CCBE1: variants seen among roughly 807,000 people sequenced by gnomAD.
CCBE1 encodes the protein collagen and calcium binding EGF domains 1, also known as collagen and calcium-binding EGF domain-containing protein 1.
Under a neutral mutation model 50.0 loss-of-function variants are expected in CCBE1, and 37 were observed. That is an observed-to-expected ratio of 0.74 (90% CI 0.57 to 0.97). The LOEUF (loss-of-function observed/expected upper bound fraction) is 0.97. Among genes scored for constraint, CCBE1 ranks in the 50% least tolerant of loss-of-function variants. CCBE1 has a pLI of 0.00. For synonymous variants in CCBE1, 234 were observed against 203.7 expected, an observed-to-expected ratio of 1.15 and a Z score of -1.27; for missense variants, 538 against 523.8, an observed-to-expected ratio of 1.03 and a Z score of -0.26.
At chr18:59,697,626 G>A, upstream of CCBE1, 1 of 436,188 alleles carries the variant, frequency 2.3e-6, no homozygotes, top group South Asian at 2.7e-5. Context: ...TTGTCTCGTC[G>A]GGACGTTCAC....
intron 7 of CCBE1, among the ~76,000 whole-genome samples, chr18:59,445,222 G>A (rs1163710173): frequency 2.0e-5 from 3 of 152,160 alleles, no homozygotes; most frequent in African/African-American, 7.2e-5. Flanking sequence ...TGCAGATGGT[G>A]TAAGGTAAGG....
rs189207684 is a variant in CCBE1, at chr18:59,634,835, A to C, written c.212+61794T>G. On this transcript the variant is annotated intron_variant, in intron 2 of 10. Coordinates refer to ENST00000439986, the MANE Select transcript of CCBE1 (RefSeq NM_133459.4). ...AGGTCAGATAGAGTCGACACAGTTAAAGAATGAATTACCTACTTGAGGAAA... is the reference window on the plus strand; with the variant it reads ...AGGTCAGATAGAGTCGACACAGTTACAGAATGAATTACCTACTTGAGGAAA... Among the ~76,000 whole-genome samples the C allele has an allele frequency of 5.8e-4, 89 of 152,360 alleles. 2 individuals are homozygous for C. The highest frequency in any genetic ancestry group is 1.1e-3 in the Non-Finnish European group (78 of 68,034).
intron 2 of CCBE1, among the ~76,000 whole-genome samples, chr18:59,529,235 G>T (rs1004932224): frequency 1.3e-5 from 2 of 152,222 alleles, no homozygotes; most frequent in South Asian, 4.1e-4. Flanking sequence ...GCCCAAAGAG[G>T]CAGTCTGGTC....
At position 59,474,182 on chromosome 18, in the gene CCBE1, G is replaced by T. The variant is rs1351111303; in HGVS notation, c.266-4575C>A. Reference sequence around the variant, plus strand: ...TTCCATGTCTTTGCTATTGTGAATAGCACGGTGATGAACATAGAAATACAT... The same window carrying T: ...TTCCATGTCTTTGCTATTGTGAATATCACGGTGATGAACATAGAAATACAT... On this transcript the variant is annotated intron_variant, in intron 3 of 10. Transcript: ENST00000439986. Among the ~76,000 whole-genome samples, 5 of 152,270 alleles carry T rather than the reference G, an allele frequency of 3.3e-5. No homozygotes were observed. The South Asian group carries it at 6.2e-4, about 19-fold the overall frequency.
intron 2 of CCBE1, among the ~76,000 whole-genome samples, chr18:59,663,139 C>T (rs2054307508): frequency 1.3e-5 from 2 of 152,164 alleles, no homozygotes; most frequent in Admixed American, 1.3e-4. Context: ...GGATAAGATA[C>T]TTTTCTTACT....
In CCBE1 at chr18:59,659,643, A is replaced by G. The variant is rs144083200; in HGVS notation, c.212+36986T>C. Among the ~76,000 whole-genome samples the G allele has an allele frequency of 4.0e-4, 61 of 152,294 alleles. No individual in the cohort carries two copies. In the East Asian group the frequency reaches 0.01, roughly 26 times the overall value. On this transcript the variant is annotated intron_variant, in intron 2 of 10. Coordinates refer to ENST00000439986, the MANE Select transcript of CCBE1 (RefSeq NM_133459.4). ...CATGACAGGGATGTGTCTGACCACA[A>G]TTTCAGGATTTCTAGAGAGCCTGGG...
chr18:59,610,747 C>T (rs1446033939), intron 2 of CCBE1, among the ~76,000 whole-genome samples: 1 of 150,704 alleles, frequency 6.6e-6, no homozygotes, highest in African/African-American at 2.4e-5. Flanking sequence ...CCCAGGTGGA[C>T]ACATGAGGAA....
rs531584471 is a variant in CCBE1, at chr18:59,441,906, A to G, written c.776-2090T>C. Among the ~76,000 whole-genome samples the G allele has an allele frequency of 3.3e-5, 5 of 152,316 alleles. No individual in the cohort carries two copies. The East Asian group carries it at 5.8e-4, about 18-fold the overall frequency. On this transcript the variant is annotated intron_variant, in intron 7 of 10. Transcript: ENST00000439986. Reference sequence around the variant, plus strand: ...GTAATTGGAGTCCAAGGAGAAAAAGAAAACCCTACAGTGGCTCCCCTCTGC... The same window carrying G: ...GTAATTGGAGTCCAAGGAGAAAAAGGAAACCCTACAGTGGCTCCCCTCTGC...
intron 3 of CCBE1, among the ~76,000 whole-genome samples, chr18:59,477,886 G>T (rs1442243914): frequency 6.6e-6 from 1 of 152,144 alleles, no homozygotes; most frequent in East Asian, 1.9e-4. Flanking sequence ...GCATAGATTT[G>T]TGATAATTTT....
intron 2 of CCBE1, among the ~76,000 whole-genome samples, chr18:59,668,418 AAATAAT>A (rs58896218): frequency 4.7e-5 from 7 of 150,278 alleles, no homozygotes; most frequent in Non-Finnish European, 7.4e-5. Flanking sequence ...CTCCATCTCA[AAATAAT>A]AATAATAATA....
intron 2 of CCBE1, among the ~76,000 whole-genome samples, chr18:59,583,189 G>A (rs949240270): frequency 6.6e-6 from 1 of 152,088 alleles, no homozygotes; most frequent in African/African-American, 2.4e-5. Context: ...ACAGGGATGG[G>A]TTCTCCCAGT....
At chr18:59,544,054 A>G (rs1040516349) in intron 2 of CCBE1, among the ~76,000 whole-genome samples, 1 of 152,188 alleles carries the variant, frequency 6.6e-6, no homozygotes, top group African/African-American at 2.4e-5. Flanking sequence ...AAAGTAAAAT[A>G]TTAAGTGCTC....
intron 2 of CCBE1, among the ~76,000 whole-genome samples, chr18:59,632,627 G>A (rs1049484048): frequency 1.3e-5 from 2 of 148,774 alleles, no homozygotes; most frequent in East Asian, 2.0e-4. Context: ...CTTACTCTAT[G>A]GCCCAGGCTG....
intron 2 of CCBE1, among the ~76,000 whole-genome samples, chr18:59,485,575 A>G (rs1280925168): frequency 7.7e-6 from 1 of 129,916 alleles, no homozygotes; most frequent in Non-Finnish European, 1.6e-5. Flanking sequence ...CATGCGCCAG[A>G]TATATCAGAT....
chr18:59,600,249 G>C (rs181522330), intron 2 of CCBE1, among the ~76,000 whole-genome samples: 4 of 152,032 alleles, frequency 2.6e-5, no homozygotes, highest in African/African-American at 9.7e-5. Flanking sequence ...TAACTCTCTT[G>C]TGAGCTGTGT....
At position 59,697,205 on chromosome 18, in the gene CCBE1, C is replaced by A. The variant is rs2144763458; in HGVS notation, c.131+7G>T. ...GCTCGCCCTCCGCTGGGGCTTGCAG[C>A]GCTTACCTGTCGCCGTCCTCCGGCT... On this transcript the variant is annotated splice_region_variant and intron_variant, in intron 1 of 10. Coordinates refer to ENST00000439986, the MANE Select transcript of CCBE1 (RefSeq NM_133459.4). The A allele has an allele frequency of 1.3e-6, 2 of 1,548,450 alleles. No individual in the cohort carries two copies. The highest frequency in any genetic ancestry group is 2.4e-5 in the South Asian group (2 of 83,992).
intron 2 of CCBE1, among the ~76,000 whole-genome samples, chr18:59,530,613 G>C (rs1024107348): frequency 5.9e-5 from 9 of 152,084 alleles, no homozygotes; most frequent in Non-Finnish European, 1.2e-4. Context: ...CCCTTTATAT[G>C]ATCCCAACTG....
intron 2 of CCBE1, among the ~76,000 whole-genome samples, chr18:59,668,055 A>G (rs1260024486): frequency 6.6e-6 from 1 of 152,146 alleles, no homozygotes; most frequent in Admixed American, 6.6e-5. Flanking sequence ...GCAGCAAACC[A>G]CCATGACACG....
intron 10 of CCBE1, among the ~76,000 whole-genome samples, chr18:59,436,953 C>A (rs1910185968): frequency 6.6e-6 from 1 of 151,988 alleles, no homozygotes; most frequent in East Asian, 1.9e-4. Flanking sequence ...GCCTGGGTGA[C>A]AGAGTGAGAC....
Sources: gnomAD v4.1 joint callset for allele counts (sites outside exome capture counted in the v4.1 genomes callset) on GRCh38, gnomAD v4.1.1 for gene constraint, MANE v1.5 for transcripts, NCBI Gene and HGNC (gene_info 2026-07-23, HGNC 2026-07-21) for gene names.